The following HOTAIR variants were observed in gnomAD, a reference collection of about 807,000 sequenced individuals.
HOTAIR encodes HOX transcript antisense RNA, also known as HOX transcript antisense RNA (non-protein coding).
chr12:53,973,541 G>T lies in HOTAIR; in HGVS notation n.59+1357C>A, dbSNP rs762087299. 6.8e-6 allele frequency: 11 copies of T among 1,613,308 alleles called. No individual in the cohort carries two copies. Among genetic ancestry groups the T allele is most frequent in the Middle Eastern group, 1.6e-4 (1 of 6,084 alleles). On this transcript the variant is annotated intron_variant and non_coding_transcript_variant, in intron 1 of 6. Coordinates refer to ENST00000424518, the Ensembl canonical transcript of HOTAIR. This position sits in a 1 kb window ranked among gnomAD's most constrained non-coding sequence, Gnocchi z 4.3. ...GCTATGCGGCGGCCGACGAGCTTAT[G>T]CACCGGGAGTGCCTGCCTCCTTCCA...
At position 53,973,731 on chromosome 12, in the gene HOTAIR, G is replaced by A. The variant is rs1264250082; in HGVS notation, n.59+1167C>T. 1.2e-6 allele frequency: 2 copies of A among 1,612,146 alleles called. No individual in the cohort carries two copies. The highest frequency in any genetic ancestry group is 1.7e-5 in the Admixed American group (1 of 59,996). On this transcript the variant is annotated intron_variant and non_coding_transcript_variant, in intron 1 of 6. Transcript: ENST00000424518. The surrounding 1 kb of genome is among the most constrained non-coding windows in gnomAD (Gnocchi z 4.3). ...CGACAACGCCTACTGCGGTGGCGGC[G>A]ACCCGCCCGCCGAGCCCCCCTGCTC...
At chr12:53,970,242 T>C (rs937945165) in intron 1 of HOTAIR, among the ~76,000 whole-genome samples, 1 of 152,082 alleles carries the variant, frequency 6.6e-6, no homozygotes, top group African/African-American at 2.4e-5. Context: ...CCAGATAAGA[T>C]ACAAATAAGC....
At chr12:53,969,963 C>T (rs777291140) in intron 1 of HOTAIR, among the ~76,000 whole-genome samples, 1 of 152,226 alleles carries the variant, frequency 6.6e-6, no homozygotes, top group Non-Finnish European at 1.5e-5. Context: ...CTCTGGGAGC[C>T]GCCCAGGGTA....
intron 1 of HOTAIR, among the ~76,000 whole-genome samples, chr12:53,970,424 C>G (rs970465413): frequency 6.6e-6 from 1 of 152,206 alleles, no homozygotes; most frequent in African/African-American, 2.4e-5. Context: ...GGAGGCTACT[C>G]CAGACCATGG....
At chr12:53,971,567 T>G (rs1360171012) in intron 1 of HOTAIR, among the ~76,000 whole-genome samples, 1 of 152,274 alleles carries the variant, frequency 6.6e-6, no homozygotes, top group Admixed American at 6.5e-5. Context: ...GAAACTAATT[T>G]TAACTGAGGG....
rs1176034548 is a variant in HOTAIR, at chr12:53,973,222, G to C, written n.59+1676C>G. 2.0e-6 allele frequency: 3 copies of C among 1,529,872 alleles called. No homozygotes were observed. Among genetic ancestry groups the C allele is most frequent in the South Asian group, 1.3e-5 (1 of 77,684 alleles). The allele number at this position is 1,529,872 out of a possible 1,614,324, so 94.8% of individuals were successfully genotyped here. A position where few individuals can be genotyped will look rare whatever the true frequency, so the allele number is the denominator to read the frequency against. On this transcript the variant is annotated intron_variant and non_coding_transcript_variant, in intron 1 of 6. Coordinates refer to ENST00000424518, the Ensembl canonical transcript of HOTAIR. The surrounding 1 kb of genome is among the most constrained non-coding windows in gnomAD (Gnocchi z 4.3). ...ACCGGGTCCAAAACCTCCATCCGGA[G>C]CCGGCAGGAGAGGAGAACGATGTTT...
chr12:53,963,326 T>G (rs542198492), exon 7 of HOTAIR: 1 of 152,358 alleles, frequency 6.6e-6, no homozygotes, highest in African/African-American at 2.4e-5. Context: ...CAAGCTTTTT[T>G]CCAACAAAAC....
At chr12:53,972,586 G>A (rs188881669) in intron 1 of HOTAIR, among the ~76,000 whole-genome samples, 1 of 152,208 alleles carries the variant, frequency 6.6e-6, no homozygotes. Context: ...ACTCCAGAAA[G>A]GTAGTCTTGA....
chr12:53,970,680 C>CT (rs1402701304), intron 1 of HOTAIR, among the ~76,000 whole-genome samples: 1 of 152,196 alleles, frequency 6.6e-6, no homozygotes, highest in African/African-American at 2.4e-5. Flanking sequence ...TCTTGCATTT[C>CT]TTTTTTGTTT....
chr12:53,962,430 T>A (rs1395696310), exon 7 of HOTAIR: 1 of 152,200 alleles, frequency 6.6e-6, no homozygotes, highest in Non-Finnish European at 1.5e-5. Flanking sequence ...ATAAGGCATA[T>A]AAAACCAGTG....
chr12:53,968,839 T>G (rs1939103242), intron 1 of HOTAIR: 1 of 152,314 alleles, frequency 6.6e-6, no homozygotes, highest in South Asian at 2.1e-4. Context: ...GGAATCTTTT[T>G]GCTTTGTGTC....
rs1939183122 is a variant in HOTAIR, at chr12:53,973,371, T to C, written n.59+1527A>G. ...CAGTTGCACTTACTACATGCCCGAG[T>C]TCTCCACGGTCTCCTCCTTCCTGCC... On this transcript the variant is annotated intron_variant and non_coding_transcript_variant, in intron 1 of 6. Coordinates refer to ENST00000424518, the Ensembl canonical transcript of HOTAIR. This position sits in a 1 kb window ranked among gnomAD's most constrained non-coding sequence, Gnocchi z 4.3. The C allele has an allele frequency of 6.2e-7, 1 of 1,607,406 alleles. No individual in the cohort carries two copies. Among genetic ancestry groups the C allele is most frequent in the African/African-American group, 1.4e-5 (1 of 72,738 alleles).
At chr12:53,967,098 A>G (rs1277927982) in intron 3 of HOTAIR, among the ~76,000 whole-genome samples, 2 of 152,158 alleles carry the variant, frequency 1.3e-5, no homozygotes, top group Non-Finnish European at 2.9e-5. Flanking sequence ...AGGCCTAATC[A>G]TTGCTTTTTA....
chr12:53,973,494 C>T lies in HOTAIR; in HGVS notation n.59+1404G>A, dbSNP rs771851038. The T allele has an allele frequency of 2.5e-6, 4 of 1,614,136 alleles. No individual in the cohort carries two copies. In the South Asian group the frequency reaches 3.3e-5, roughly 13 times the overall value. The stretch of plus-strand genomic sequence containing the variant: ...CCTGGAGCCATCCGGCAAGTGGCAC[C>T]ATCGGAACAGCTACTCCTCCTGCTA... On this transcript the variant is annotated intron_variant and non_coding_transcript_variant, in intron 1 of 6. Transcript: ENST00000424518. This position sits in a 1 kb window ranked among gnomAD's most constrained non-coding sequence, Gnocchi z 4.3.
Position 53,973,795 on chromosome 12 carries a change from C to G in HOTAIR, n.59+1103G>C. The G allele has an allele frequency of 6.3e-7, 1 of 1,592,640 alleles. No homozygotes were observed. The highest frequency in any genetic ancestry group is 1.1e-5 in the South Asian group (1 of 89,400). On this transcript the variant is annotated intron_variant and non_coding_transcript_variant, in intron 1 of 6. Transcript: ENST00000424518. The surrounding 1 kb of genome is among the most constrained non-coding windows in gnomAD (Gnocchi z 4.3). Reference sequence around the variant, plus strand: ...GCCAAGGGGGAGCCCGAGGCACCCCCGGCCTCGGGACTGGCGTCCCGGGCT... The same window carrying G: ...GCCAAGGGGGAGCCCGAGGCACCCCGGGCCTCGGGACTGGCGTCCCGGGCT...
chr12:53,970,513 G>A (rs537580584), intron 1 of HOTAIR, among the ~76,000 whole-genome samples: 1 of 152,320 alleles, frequency 6.6e-6, no homozygotes, highest in South Asian at 2.1e-4. Context: ...ACTGACAGTT[G>A]CTAGAGGTTT....
At chr12:53,967,575 G>A (rs573876543) in intron 2 of HOTAIR, among the ~76,000 whole-genome samples, 44 of 152,358 alleles carry the variant, frequency 2.9e-4, no homozygotes, top group African/African-American at 9.9e-4. Flanking sequence ...CAACGGGCTG[G>A]AGGGGTAGCC....
chr12:53,968,410 T>C (rs17105613), intron 2 of HOTAIR: 55,343 of 152,068 alleles, frequency 0.36, 10,370 homozygotes, highest in African/African-American at 0.45. Context: ...AGACAATAGA[T>C]GGCTGTTTAT....
At chr12:53,974,806 G>A in intron 1 of HOTAIR, 1 of 186,064 alleles carries the variant, frequency 5.4e-6, no homozygotes, top group Non-Finnish European at 1.1e-5. Context: ...TGGGGGAGGG[G>A]TTGGGCTTTC....
Sources: gnomAD v4.1 joint callset for allele counts (sites outside exome capture counted in the v4.1 genomes callset) on GRCh38, gnomAD v4.1.1 for gene constraint, Gnocchi (gnomAD v3.1) non-coding constraint, MANE v1.5 for transcripts, NCBI Gene and HGNC (gene_info 2026-07-23, HGNC 2026-07-21) for gene names.